POLR3G: variants seen among roughly 807,000 people sequenced by gnomAD.
POLR3G encodes RNA polymerase III subunit G.
POLR3G carries 28 observed loss-of-function variants against 30.1 expected under a neutral mutation model. That is an observed-to-expected ratio of 0.93 (90% CI 0.69 to 1.27). POLR3G has a LOEUF of 1.27. Ranked by LOEUF, POLR3G falls within the 50% of genes most tolerant of loss-of-function variation. POLR3G has a pLI of 0.00. For synonymous variants in POLR3G, 79 were observed against 82.5 expected, an observed-to-expected ratio of 0.96 and a Z score of 0.23; for missense variants, 254 against 264.6, an observed-to-expected ratio of 0.96 and a Z score of 0.28.
chr5:90,481,726 A>G (rs1279747564), intron 1 of POLR3G, among the ~76,000 whole-genome samples: 1 of 152,236 alleles, frequency 6.6e-6, no homozygotes, highest in Middle Eastern at 3.2e-3. Flanking sequence ...TGTATTTTTT[A>G]TATCTTGATT....
intron 1 of POLR3G, among the ~76,000 whole-genome samples, chr5:90,476,624 C>G (rs900676072): frequency 1.3e-5 from 2 of 152,170 alleles, no homozygotes; most frequent in Non-Finnish European, 2.9e-5. Context: ...ATGAGCTCAG[C>G]AATAATTTAT....
In POLR3G at chr5:90,488,016, C is replaced by G; in HGVS notation, c.134C>G (p.Pro45Arg). ...PPLFPDTDYKPVPLKTGEGEE... is the reference protein window; with the variant it reads ...PPLFPDTDYKRVPLKTGEGEE... ...TTTAAACAGGATACAGATTATAAACCAGTGCCACTGAAAACAGGAGAAGGT... is the reference window on the plus strand; with the variant it reads ...TTTAAACAGGATACAGATTATAAACGAGTGCCACTGAAAACAGGAGAAGGT... Residue 45 changes from proline to arginine, a missense_variant, in exon 3 of 8, where the codon CCA becomes CGA. By Grantham distance (103) the Pro-to-Arg change is moderately radical. Transcript: ENST00000651687. 1 of 1,599,396 alleles carries G rather than the reference C, an allele frequency of 6.3e-7. No individual in the cohort carries two copies. Among genetic ancestry groups the G allele is most frequent in the Non-Finnish European group, 8.5e-7 (1 of 1,174,554 alleles).
intron 1 of POLR3G, among the ~76,000 whole-genome samples, chr5:90,478,595 G>A (rs1188640103): frequency 8.0e-5 from 1 of 12,444 alleles, no homozygotes; most frequent in Non-Finnish European, 1.9e-4. Context: ...TTGAGAGGGA[G>A]CCTCACTCTG....
Position 90,514,035 on chromosome 5 carries a change from A to G in POLR3G, c.*1896A>G, listed in dbSNP as rs1439493948. 1 of 152,232 alleles carries G rather than the reference A, an allele frequency of 6.6e-6. No homozygotes were observed. Among genetic ancestry groups the G allele is most frequent in the African/African-American group, 2.4e-5 (1 of 41,466 alleles). The allele number at this position is 152,232 out of a possible 1,614,324, so 9.4% of individuals were successfully genotyped here. ...TTCTTTTTTTAGCTTTGAATTTGTC[A>G]TGACCATTTTAGTCTTGCAGATAGC... On this transcript the variant is annotated 3_prime_UTR_variant, in exon 8 of 8. Coordinates refer to ENST00000651687, the MANE Select transcript of POLR3G (RefSeq NM_006467.3).
chr5:90,492,949 G>T lies in POLR3G; in HGVS notation c.248-2728G>T, dbSNP rs185739236. Among the ~76,000 whole-genome samples the T allele has an allele frequency of 3.3e-5, 5 of 152,164 alleles. No individual in the cohort carries two copies. In the East Asian group the frequency reaches 9.6e-4, roughly 29 times the overall value. ...AGTACAAGAAGAAGAATTGGAAGTA[G>T]TGATAAGCTAGATTCTACTAGAAAT... On this transcript the variant is annotated intron_variant, in intron 3 of 7. Transcript: ENST00000651687.
At chr5:90,508,578 CT>C (rs1423532835) in intron 7 of POLR3G, among the ~76,000 whole-genome samples, 1 of 151,950 alleles carries the variant, frequency 6.6e-6, no homozygotes, top group Non-Finnish European at 1.5e-5. Context: ...GTCATCACCC[CT>C]CCCCCTCCCC....
chr5:90,509,797 T>G (rs189810737), intron 7 of POLR3G, among the ~76,000 whole-genome samples: 7 of 152,164 alleles, frequency 4.6e-5, no homozygotes, highest in Non-Finnish European at 8.8e-5. Flanking sequence ...GAGATGAAGC[T>G]GGAGAGATGA....
upstream of POLR3G, chr5:90,474,275 C>T (rs985603342): frequency 6.2e-7 from 1 of 1,613,308 alleles, no homozygotes; most frequent in Non-Finnish European, 8.5e-7. Context: ...TGTGGGCGTA[C>T]CACTCGAGCG....
chr5:90,492,951 G>A (rs1186284313), intron 3 of POLR3G, among the ~76,000 whole-genome samples: 1 of 152,076 alleles, frequency 6.6e-6, no homozygotes, highest in Admixed American at 6.5e-5. Context: ...TGGAAGTAGT[G>A]ATAAGCTAGA....
intron 7 of POLR3G, among the ~76,000 whole-genome samples, chr5:90,509,409 AG>A (rs1198321893): frequency 6.6e-6 from 1 of 152,206 alleles, no homozygotes; most frequent in African/African-American, 2.4e-5. Flanking sequence ...GAATTGTACT[AG>A]GCAATGGGAA....
In POLR3G at chr5:90,512,787, A is replaced by G. The variant is rs1042619993; in HGVS notation, c.*648A>G. 4 of 152,410 alleles carry G rather than the reference A, an allele frequency of 2.6e-5. No individual in the cohort carries two copies. Among genetic ancestry groups the G allele is most frequent in the East Asian group, 1.9e-4 (1 of 5,204 alleles). The allele number at this position is 152,410 out of a possible 1,614,324, so 9.4% of individuals were successfully genotyped here. On this transcript the variant is annotated 3_prime_UTR_variant, in exon 8 of 8. Transcript: ENST00000651687. ...GAAACTTTCACATGGGGTGAATATT[A>G]TAATACTTGAATTTGAGACTTAATA...
intron 1 of POLR3G, among the ~76,000 whole-genome samples, chr5:90,483,087 C>T (rs980618738): frequency 2.1e-5 from 3 of 140,998 alleles, no homozygotes; most frequent in Non-Finnish European, 3.0e-5. Context: ...TTGCAGTCAG[C>T]GGAGACCATG....
At chr5:90,509,274 G>A (rs1010707964) in intron 7 of POLR3G, among the ~76,000 whole-genome samples, 6 of 151,814 alleles carry the variant, frequency 4.0e-5, no homozygotes, top group Admixed American at 2.0e-4. Context: ...CTCTTCCCTC[G>A]GGCTTCTTTT....
chr5:90,481,946 A>G (rs1016206598), intron 1 of POLR3G, among the ~76,000 whole-genome samples: 2 of 152,220 alleles, frequency 1.3e-5, no homozygotes, highest in South Asian at 2.1e-4. Flanking sequence ...TTAAAGTACA[A>G]TAGTCATATA....
upstream of POLR3G, chr5:90,474,526 A>T: frequency 1.9e-6 from 1 of 537,514 alleles, no homozygotes; most frequent in Non-Finnish European, 3.3e-6. Context: ...CAGCAAGCAG[A>T]GGCTGCGCCA....
chr5:90,481,185 GA>G, intron 1 of POLR3G, among the ~76,000 whole-genome samples: 1 of 152,248 alleles, frequency 6.6e-6, no homozygotes, highest in African/African-American at 2.4e-5. Flanking sequence ...ATCATTAGGT[GA>G]AAACTGATGG....
At chr5:90,506,446 G>T in intron 6 of POLR3G, 82 bp from the exon 7 acceptor site, 1 of 1,491,778 alleles carries the variant, frequency 6.7e-7, no homozygotes, top group Non-Finnish European at 8.9e-7. Flanking sequence ...TAAGGTGATA[G>T]ATAACTGTTC....
rs1169445036 is a variant in POLR3G at position 90,501,974 on chromosome 5, T to C, written c.424T>C (p.Leu142=). The change falls in exon 6 of 8, where the codon TTG becomes CTG. Residue 142 remains leucine, a synonymous_variant. Coordinates refer to ENST00000651687, the MANE Select transcript of POLR3G (RefSeq NM_006467.3). ...ACCACTCACTAATACTGAAGATGTG[T>C]TGAAAAAAATGGAGGTAAGGTTTTC... The part of the protein sequence containing the change: ...GTPLTNTEDV[L]KKMEELEKRG... The C allele has an allele frequency of 1.2e-6, 2 of 1,612,554 alleles. No individual in the cohort carries two copies. The highest frequency in any genetic ancestry group is 4.5e-5 in the East Asian group (2 of 44,772).
chr5:90,488,216 G>C (rs1751547106), intron 3 of POLR3G, 87 bp downstream of exon 3: 1 of 1,127,342 alleles, frequency 8.9e-7, no homozygotes, highest in Non-Finnish European at 1.2e-6. Flanking sequence ...ATTTAATGTT[G>C]ATTGATTCGA....
Sources: gnomAD v4.1 joint callset for allele counts (sites outside exome capture counted in the v4.1 genomes callset) on GRCh38, gnomAD v4.1.1 for gene constraint, MANE v1.5 for transcripts, NCBI Gene and HGNC (gene_info 2026-07-23, HGNC 2026-07-21) for gene names.